The following NPHP1 variants were observed in gnomAD, a reference collection of about 807,000 sequenced individuals.
NPHP1 encodes the protein nephrocystin 1, also known as nephrocystin-1.
NPHP1 carries 70 observed loss-of-function variants against 90.4 expected under a neutral mutation model. That is an observed-to-expected ratio of 0.77 (90% CI 0.64 to 0.95). The LOEUF (loss-of-function observed/expected upper bound fraction) is 0.95, where lower values mean the gene tolerates loss of function less well. Ranked by LOEUF, NPHP1 falls within the 40% of genes least tolerant of loss-of-function variation. The pLI, the probability that NPHP1 is intolerant of heterozygous loss-of-function variation, is 0.00. For missense variants in NPHP1, 764 were observed against 795.9 expected, an observed-to-expected ratio of 0.96 and a Z score of 0.48; for synonymous variants, 256 against 271.7, an observed-to-expected ratio of 0.94 and a Z score of 0.57.
intron 2 of NPHP1, among the ~76,000 whole-genome samples, chr2:110,186,598 C>T (rs1684298502): frequency 6.6e-6 from 1 of 152,142 alleles, no homozygotes; most frequent in Non-Finnish European, 1.5e-5. Flanking sequence ...CCATGACCCA[C>T]CCCAATCCCA....
chr2:110,164,503 C>T, intron 8 of NPHP1, 185 bp downstream of exon 8: 3 of 1,010,312 alleles, frequency 3.0e-6, no homozygotes, highest in Non-Finnish European at 4.5e-6. Flanking sequence ...AAAAAAAAAA[C>T]TAATGAGAAA....
intron 16 of NPHP1, among the ~76,000 whole-genome samples, chr2:110,135,853 A>C (rs1249456569): frequency 6.6e-6 from 1 of 152,172 alleles, no homozygotes; most frequent in Non-Finnish European, 1.5e-5. Flanking sequence ...CACAGAGGTA[A>C]TATTCAGGCT....
intron 16 of NPHP1, among the ~76,000 whole-genome samples, chr2:110,140,211 GTC>G (rs964720970): frequency 6.6e-6 from 1 of 152,136 alleles, no homozygotes; most frequent in African/African-American, 2.4e-5. Flanking sequence ...CAGCACTCAA[GTC>G]TCTCTGTGGA....
chr2:110,164,195 C>T, intron 8 of NPHP1: 1 of 345,026 alleles, frequency 2.9e-6, no homozygotes, highest in Non-Finnish European at 5.5e-6. Context: ...AGCCACCACA[C>T]CTGGCTAATT....
At chr2:110,176,677 T>C (rs1683533312) in intron 4 of NPHP1, among the ~76,000 whole-genome samples, 1 of 152,184 alleles carries the variant, frequency 6.6e-6, no homozygotes, top group Non-Finnish European at 1.5e-5. Context: ...TACCTCAGCT[T>C]TGTCTTTATT....
rs886043591 is a variant in NPHP1 at position 110,179,644 on chromosome 2, C to T, written c.184G>A (p.Ala62Thr). The T allele has an allele frequency of 2.2e-6, 3 of 1,367,046 alleles. No homozygotes were observed. Among genetic ancestry groups the T allele is most frequent in the South Asian group, 2.3e-5 (2 of 85,784 alleles). 84.7% of individuals were successfully genotyped at this position (1,367,046 alleles called of 1,614,324 possible). ...CTTACTTTGCTTAATTTTTGAAGAG[C>T]ATTTTTATTTTCATCTATTGCCTGC... Reference protein sequence around the residue: ...LKQAIDENKNALQKLSKADES... With the variant: ...LKQAIDENKNTLQKLSKADES... Residue 62 changes from alanine to threonine, a missense_variant, in exon 3 of 20, where the codon GCT (alanine) becomes ACT (threonine). Physicochemically the swap from Ala to Thr is moderately conservative, Grantham distance 58 (BLOSUM62 0). Coordinates refer to ENST00000445609, the MANE Select transcript of NPHP1 (RefSeq NM_001128178.3).
At chr2:110,193,614 T>C (rs567225068) in intron 2 of NPHP1, among the ~76,000 whole-genome samples, 4 of 152,140 alleles carry the variant, frequency 2.6e-5, no homozygotes, top group Non-Finnish European at 5.9e-5. Flanking sequence ...AGAAAGTTAA[T>C]GAGGATATCC....
chr2:110,135,166 C>T (rs1270654808), intron 16 of NPHP1, among the ~76,000 whole-genome samples: 1 of 151,680 alleles, frequency 6.6e-6, no homozygotes, highest in Non-Finnish European at 1.5e-5. Context: ...AGAAGGAAAC[C>T]AACAAAACAA....
At chr2:110,136,912 G>A (rs1680242629) in intron 16 of NPHP1, among the ~76,000 whole-genome samples, 1 of 152,256 alleles carries the variant, frequency 6.6e-6, no homozygotes, top group South Asian at 2.1e-4. Context: ...CACGCTACCT[G>A]ACTTCAAACT....
chr2:110,165,136 T>C lies in NPHP1; in HGVS notation c.644A>G (p.Glu215Gly), dbSNP rs766111597. The C allele has an allele frequency of 8.1e-6, 13 of 1,600,960 alleles. No homozygotes were observed. The highest frequency in any genetic ancestry group is 1.7e-5 in the Admixed American group (1 of 59,518). Residue 215 changes from glutamate to glycine, a missense_variant, in exon 7 of 20, where the codon GAA becomes GGA. Physicochemically the swap from Glu to Gly is moderately conservative, Grantham distance 98. Transcript: ENST00000445609. ...TYLEPYSEEE[E>G]GQESSEEGSE... ...GCCCTCTTCACTTGACTCTTGGCCT[T>C]CTTCTTCTTCACTATAAGGCTAAAA... is the stretch of plus-strand genomic sequence containing the variant.
chr2:110,201,074 A>T (rs1316531880), intron 2 of NPHP1, among the ~76,000 whole-genome samples: 2 of 152,152 alleles, frequency 1.3e-5, no homozygotes, highest in Admixed American at 1.3e-4. Flanking sequence ...ACCCACCTAG[A>T]AAACAGTGTT....
At chr2:110,125,220 A>T in intron 19 of NPHP1, 8 of 1,535,256 alleles carry the variant, frequency 5.2e-6, no homozygotes, top group Non-Finnish European at 7.0e-6. Flanking sequence ...GGTAATTACC[A>T]TGATTTTATA....
chr2:110,152,354 G>A (rs1681539869), intron 11 of NPHP1, among the ~76,000 whole-genome samples: 1 of 151,554 alleles, frequency 6.6e-6, no homozygotes, highest in Non-Finnish European at 1.5e-5. Flanking sequence ...CAACCATTCT[G>A]CTCCACATAT....
intron 10 of NPHP1, among the ~76,000 whole-genome samples, chr2:110,161,133 T>C (rs1319643974): frequency 6.6e-6 from 1 of 152,108 alleles, no homozygotes; most frequent in Non-Finnish European, 1.5e-5. Context: ...ACCACTGCCC[T>C]CTAGCCTGGG....
intron 2 of NPHP1, among the ~76,000 whole-genome samples, chr2:110,196,904 A>G (rs953170610): frequency 4.6e-5 from 7 of 152,170 alleles, no homozygotes; most frequent in Non-Finnish European, 8.8e-5. Flanking sequence ...TATCACAAGG[A>G]CAGAAAACCA....
At chr2:110,164,224 A>G in intron 8 of NPHP1, 1 of 391,906 alleles carries the variant, frequency 2.6e-6, no homozygotes, top group Non-Finnish European at 4.7e-6. Flanking sequence ...TTTTTGTAGG[A>G]TAGGGTCTCA....
chr2:110,184,405 C>T, intron 2 of NPHP1: 1 of 624,956 alleles, frequency 1.6e-6, no homozygotes, highest in Non-Finnish European at 2.9e-6. Flanking sequence ...CCTTTAAACC[C>T]ACAAAGACAC....
At chr2:110,185,055 A>G (rs1417792480) in intron 2 of NPHP1, 1 of 599,028 alleles carries the variant, frequency 1.7e-6, no homozygotes, top group Non-Finnish European at 3.3e-6. Context: ...GCACCTCAGG[A>G]GAGACTGTAT....
At chr2:110,179,296 C>CA (rs1393040468) in intron 3 of NPHP1, among the ~76,000 whole-genome samples, 2 of 152,120 alleles carry the variant, frequency 1.3e-5, no homozygotes, top group Non-Finnish European at 2.9e-5. Flanking sequence ...ATTATTTCCC[C>CA]ACAAAGAAAT....
Sources: allele counts gnomAD v4.1 joint callset (sites outside exome capture counted in the v4.1 genomes callset), GRCh38; gene constraint gnomAD v4.1.1; transcripts MANE v1.5; gene names NCBI Gene and HGNC (gene_info 2026-07-23, HGNC 2026-07-21).